TNIK: variants seen among roughly 807,000 people sequenced by gnomAD.
TNIK encodes TRAF2 and NCK-interacting protein kinase.
TNIK carries 49 observed loss-of-function variants against 191.3 expected under a neutral mutation model. That is an observed-to-expected ratio of 0.26 (90% CI 0.20 to 0.32). The LOEUF (loss-of-function observed/expected upper bound fraction) is 0.32, where lower values mean the gene tolerates loss of function less well. TNIK is among the 10% of genes least tolerant of loss of function. The probability of loss-of-function intolerance (pLI) is 1.00; values close to 1 mark genes in which losing one functional copy is unlikely to be tolerated. For missense variants in TNIK, 1,155 were observed against 1,702.3 expected (o/e 0.68, Z 5.66); for synonymous variants, 594 against 600.9 (o/e 0.99, Z 0.17).
At chr3:171,325,326 A>G (rs1755629872) in intron 2 of TNIK, among the ~76,000 whole-genome samples, 1 of 152,116 alleles carries the variant, frequency 6.6e-6, no homozygotes, top group Non-Finnish European at 1.5e-5. Flanking sequence ...ACTAGTGGCT[A>G]CGTCTAGGGA....
intron 2 of TNIK, among the ~76,000 whole-genome samples, chr3:171,288,077 C>T (rs1393176054): frequency 2.1e-5 from 3 of 145,358 alleles, no homozygotes; most frequent in Admixed American, 1.4e-4. Context: ...AACAAAAAAC[C>T]AAACACCACA....
At chr3:171,076,642 G>A (rs1719986188) in intron 28 of TNIK, among the ~76,000 whole-genome samples, 1 of 152,052 alleles carries the variant, frequency 6.6e-6, no homozygotes, top group African/African-American at 2.4e-5. Context: ...GCTATGGATT[G>A]AACAAGTCTT....
intron 30 of TNIK, 24 bp from the exon 31 acceptor site, chr3:171,066,759 C>T (rs1718491465): frequency 1.2e-6 from 2 of 1,602,468 alleles, no homozygotes; most frequent in South Asian, 1.1e-5. Context: ...AAAAGCCAAG[C>T]ATTATTCTTT....
chr3:171,459,054 A>G (rs1215371337), intron 1 of TNIK, among the ~76,000 whole-genome samples: 2 of 152,110 alleles, frequency 1.3e-5, no homozygotes, highest in African/African-American at 2.4e-5. Context: ...GATTCCTGGT[A>G]TTCTGATCTC....
chr3:171,302,941 T>C (rs1215444516), intron 2 of TNIK, among the ~76,000 whole-genome samples: 1 of 152,194 alleles, frequency 6.6e-6, no homozygotes, highest in African/African-American at 2.4e-5. Context: ...ATAAACAGTC[T>C]TTCCAGTTGT....
chr3:171,128,749 G>C lies in TNIK; in HGVS notation c.1738C>G (p.Arg580Gly). The C allele has an allele frequency of 2.5e-6, 4 of 1,613,494 alleles. No homozygotes were observed. In the South Asian group the frequency reaches 3.3e-5, roughly 13 times the overall value. ...ACTGGTCTGAGCATGGGGGGTGTTC[G>C]AGCAGGCTGAACTCCACTAATGCTG... ...SFSISGVQPARTPPMLRPVDP... is the reference protein window; with the variant it reads ...SFSISGVQPAGTPPMLRPVDP... The change falls in exon 16 of 33, where the codon CGA (arginine) becomes GGA (glycine). Residue 580 changes from arginine (R) to glycine (G), a missense_variant. By Grantham distance (125) the Arg-to-Gly change is moderately radical (BLOSUM62 -2). This residue lies in a region of TNIK where 735 missense variants were observed against 848.0 expected (regional missense o/e 0.87). Transcript: ENST00000436636.
Position 171,138,308 on chromosome 3 carries a change from T to A in TNIK, c.1491A>T (p.Arg497Ser). 1 of 1,613,350 alleles carries A rather than the reference T, an allele frequency of 6.2e-7. No homozygotes were observed. The highest frequency in any genetic ancestry group is 8.5e-7 in the Non-Finnish European group (1 of 1,179,712). ...ERLQRQLKQE[R>S]DYLVSLQHQR... Reference sequence around the variant, plus strand: ...GATGCTGAAGGGAAACTAAGTAGTCTCTTTCTTGCTTTAGCTGCCTCTGCA... The same window carrying A: ...GATGCTGAAGGGAAACTAAGTAGTCACTTTCTTGCTTTAGCTGCCTCTGCA... Residue 497 changes from arginine (R) to serine (S), a missense_variant, in exon 15 of 33, where the codon AGA becomes AGT. Arg to Ser is a moderately radical substitution (Grantham distance 110). Coordinates refer to ENST00000436636, the MANE Select transcript of TNIK (RefSeq NM_015028.4).
chr3:171,258,319 T>C (rs898448747), intron 2 of TNIK, among the ~76,000 whole-genome samples: 6 of 152,154 alleles, frequency 3.9e-5, no homozygotes, highest in Non-Finnish European at 7.3e-5. Flanking sequence ...TCAGCATCAA[T>C]AAGTAAGAAA....
chr3:171,445,657 C>T (rs909390522), intron 1 of TNIK, among the ~76,000 whole-genome samples: 12 of 152,160 alleles, frequency 7.9e-5, no homozygotes, highest in African/African-American at 7.2e-5. Context: ...ATTGGCAACA[C>T]AGGGTATACG....
chr3:171,112,767 G>A (rs969971391), intron 18 of TNIK, among the ~76,000 whole-genome samples: 9 of 151,894 alleles, frequency 5.9e-5, no homozygotes, highest in African/African-American at 2.2e-4. Context: ...TGCATTGTGA[G>A]CATATTCTTA....
chr3:171,390,851 G>A (rs1037106507), intron 1 of TNIK, among the ~76,000 whole-genome samples: 1 of 152,186 alleles, frequency 6.6e-6, no homozygotes, highest in Non-Finnish European at 1.5e-5. Flanking sequence ...CATGGATGTT[G>A]TGAACCTGCT....
At chr3:171,333,624 A>C (rs1756646765) in intron 2 of TNIK, among the ~76,000 whole-genome samples, 1 of 149,902 alleles carries the variant, frequency 6.7e-6, no homozygotes, top group African/African-American at 2.5e-5. Flanking sequence ...CTGGATCCCC[A>C]TTCCCACGGC....
intron 18 of TNIK, among the ~76,000 whole-genome samples, chr3:171,117,392 C>T (rs557079675): frequency 6.6e-6 from 1 of 152,204 alleles, no homozygotes; most frequent in South Asian, 2.1e-4. Flanking sequence ...CCACTTACTA[C>T]TTTTGTCACC....
chr3:171,312,543 G>A (rs9852927), intron 2 of TNIK, among the ~76,000 whole-genome samples: 158 of 152,126 alleles, frequency 1.0e-3, no homozygotes, highest in African/African-American at 3.6e-3. Flanking sequence ...CCTTGTTCTT[G>A]GTGGGTATCC....
intron 2 of TNIK, among the ~76,000 whole-genome samples, chr3:171,368,236 C>T (rs184997071): frequency 8.0e-4 from 121 of 152,152 alleles, no homozygotes; most frequent in Non-Finnish European, 1.5e-3. Context: ...CATAATGAAA[C>T]GGAAAGGCTC....
At chr3:171,281,086 A>G (rs570881491) in intron 2 of TNIK, among the ~76,000 whole-genome samples, 1 of 152,308 alleles carries the variant, frequency 6.6e-6, no homozygotes, top group African/African-American at 2.4e-5. Context: ...AATAGATTTT[A>G]TCTATTAGTA....
At chr3:171,083,569 T>C (rs1289168220) in intron 26 of TNIK, among the ~76,000 whole-genome samples, 1 of 152,226 alleles carries the variant, frequency 6.6e-6, no homozygotes, top group East Asian at 1.9e-4. Flanking sequence ...GCAGATCTTT[T>C]TCACGAGAAA....
chr3:171,392,463 T>C (rs1385609367), intron 1 of TNIK, among the ~76,000 whole-genome samples: 1 of 152,082 alleles, frequency 6.6e-6, no homozygotes, highest in African/African-American at 2.4e-5. Context: ...CCAAAGACCA[T>C]CAGCGTTGAT....
chr3:171,244,703 T>C (rs1745392885), intron 2 of TNIK, among the ~76,000 whole-genome samples: 1 of 151,978 alleles, frequency 6.6e-6, no homozygotes, highest in Non-Finnish European at 1.5e-5. Flanking sequence ...AAAGGTGAGA[T>C]AGAAATGAAC....
Sources: gnomAD v4.1 joint callset for allele counts (sites outside exome capture counted in the v4.1 genomes callset) on GRCh38, gnomAD v4.1.1 for gene constraint, gnomAD v4.1.1 regional missense constraint, MANE v1.5 for transcripts, NCBI Gene and HGNC (gene_info 2026-07-23, HGNC 2026-07-21) for gene names.